Variants in SETD3 observed in about 807,000 individuals in gnomAD.
SETD3 encodes actin-histidine N-methyltransferase.
SETD3 carries 19 observed loss-of-function variants against 63.0 expected under a neutral mutation model. The ratio of observed to expected loss-of-function variants is 0.30; its 90% CI spans 0.21 to 0.44. The LOEUF (loss-of-function observed/expected upper bound fraction) is 0.44, where lower values mean the gene tolerates loss of function less well. Among genes scored for constraint, SETD3 ranks in the 20% least tolerant of loss-of-function variants. The probability of loss-of-function intolerance (pLI) is 1.00; values close to 1 mark genes in which losing one functional copy is unlikely to be tolerated. For synonymous variants in SETD3, 286 were observed against 264.1 expected (o/e 1.08, Z -0.80); for missense variants, 587 against 728.5 (o/e 0.81, Z 2.24).
chr14:99,459,639 C>T (rs983819756), intron 4 of SETD3, among the ~76,000 whole-genome samples: 1 of 152,216 alleles, frequency 6.6e-6, no homozygotes, highest in Non-Finnish European at 1.5e-5. Flanking sequence ...ACATTCCTTC[C>T]TCTACATACT....
At chr14:99,401,476 T>C (rs1281591661) in intron 11 of SETD3, among the ~76,000 whole-genome samples, 1 of 152,130 alleles carries the variant, frequency 6.6e-6, no homozygotes, top group Non-Finnish European at 1.5e-5. Context: ...AAACCAAACT[T>C]TTATTAGTAT....
chr14:99,407,925 G>A (rs1396250806), intron 8 of SETD3, among the ~76,000 whole-genome samples: 4 of 152,128 alleles, frequency 2.6e-5, no homozygotes, highest in Non-Finnish European at 4.4e-5. Context: ...AACCCGCAGG[G>A]GAAAGGAAAG....
chr14:99,404,354 C>T, intron 10 of SETD3, 44 bp from the exon 11 acceptor site: 1 of 1,551,104 alleles, frequency 6.4e-7, no homozygotes, highest in Non-Finnish European at 8.9e-7. Flanking sequence ...GCTGCGGTTA[C>T]CCACTTGCTC....
At chr14:99,458,046 C>A (rs949478694) in intron 6 of SETD3, among the ~76,000 whole-genome samples, 4 of 152,162 alleles carry the variant, frequency 2.6e-5, no homozygotes, top group African/African-American at 9.7e-5. Flanking sequence ...AACTCAGGAA[C>A]AACTGCTGCT....
intron 6 of SETD3, among the ~76,000 whole-genome samples, chr14:99,426,467 TG>T (rs2139677956): frequency 6.6e-6 from 1 of 152,296 alleles, no homozygotes; most frequent in East Asian, 1.9e-4. Flanking sequence ...GAACAGGTGC[TG>T]GGGTGTGCAG....
rs755211423 is a variant in SETD3 at position 99,398,814 on chromosome 14, G to A, written c.1650C>T (p.Asn550=). 30 of 1,614,084 alleles carry A rather than the reference G, an allele frequency of 1.9e-5. No homozygotes were observed. Among genetic ancestry groups the A allele is most frequent in the East Asian group, 4.5e-5 (2 of 44,892 alleles). The part of the protein sequence containing the change: ...EAISKAKATE[N]GLVNGENSIP... ...TAGAGTTTTCACCGTTTACAAGCCC[G>A]TTTTCTGTGGCCTTTGCTTTGCTGA... The change falls in exon 13 of 13, where the codon AAC becomes AAT. Residue 550 remains asparagine, a synonymous_variant. Coordinates refer to ENST00000331768, the MANE Select transcript of SETD3 (RefSeq NM_032233.3).
intron 6 of SETD3, among the ~76,000 whole-genome samples, chr14:99,453,441 G>A (rs1017376559): frequency 1.3e-5 from 2 of 152,150 alleles, no homozygotes; most frequent in African/African-American, 2.4e-5. Flanking sequence ...TTAGCCCACA[G>A]CCTATTCCTT....
At chr14:99,410,728 T>G (rs1235053087) in intron 8 of SETD3, among the ~76,000 whole-genome samples, 1 of 152,268 alleles carries the variant, frequency 6.6e-6, no homozygotes, top group Non-Finnish European at 1.5e-5. Flanking sequence ...ATCTCTAGCC[T>G]AGGTGTTCAT....
chr14:99,467,288 G>T (rs529406623), intron 1 of SETD3, among the ~76,000 whole-genome samples: 1 of 152,156 alleles, frequency 6.6e-6, no homozygotes, highest in Admixed American at 6.5e-5. Context: ...GCAATACAAG[G>T]AATTTTTTTT....
intron 12 of SETD3, 34 bp from the exon 13 acceptor site, chr14:99,399,159 T>G: frequency 3.1e-6 from 5 of 1,590,828 alleles, no homozygotes; most frequent in Non-Finnish European, 4.3e-6. Flanking sequence ...TTACAAGAAG[T>G]CTAAACCAGC....
At chr14:99,409,648 G>A (rs2139632259) in intron 8 of SETD3, among the ~76,000 whole-genome samples, 1 of 151,288 alleles carries the variant, frequency 6.6e-6, no homozygotes, top group Non-Finnish European at 1.5e-5. Context: ...GAAACAGAGT[G>A]AGGACCATTT....
At chr14:99,483,162 C>A (rs1896397317), upstream of SETD3, among the ~76,000 whole-genome samples, 1 of 152,096 alleles carries the variant, frequency 6.6e-6, no homozygotes, top group South Asian at 2.1e-4. Flanking sequence ...TATTAATAAT[C>A]TGTTTTAGAA....
At chr14:99,459,012 C>A in intron 5 of SETD3, 101 bp downstream of exon 5, 1 of 760,520 alleles carries the variant, frequency 1.3e-6, no homozygotes, top group Admixed American at 2.7e-5. Flanking sequence ...AATATTTCGC[C>A]AGTCGAGAAA....
intron 6 of SETD3, among the ~76,000 whole-genome samples, chr14:99,419,786 C>CA (rs1387120602): frequency 8.3e-4 from 108 of 130,412 alleles, no homozygotes; most frequent in East Asian, 2.9e-3. Context: ...AAAAAAAAAA[C>CA]AAAAAAAAAA....
intron 6 of SETD3, among the ~76,000 whole-genome samples, chr14:99,416,849 G>C (rs1490533588): frequency 6.6e-6 from 1 of 152,022 alleles, no homozygotes; most frequent in African/African-American, 2.4e-5. Flanking sequence ...CTCATAATCA[G>C]ACCTGAAGCA....
At chr14:99,439,686 TTA>T (rs1445465677) in intron 6 of SETD3, among the ~76,000 whole-genome samples, 3 of 147,672 alleles carry the variant, frequency 2.0e-5, no homozygotes, top group Non-Finnish European at 3.0e-5. Context: ...ATTTATATAT[TTA>T]TATGTATTTA....
intron 6 of SETD3, among the ~76,000 whole-genome samples, chr14:99,432,885 C>G (rs1893260298): frequency 6.6e-6 from 1 of 152,146 alleles, no homozygotes; most frequent in African/African-American, 2.4e-5. Flanking sequence ...ATCAGTCATT[C>G]TTGGTGGAGA....
At chr14:99,461,475 A>T (rs573050136) in intron 3 of SETD3, 135 bp from the exon 4 acceptor site, 1 of 838,118 alleles carries the variant, frequency 1.2e-6, no homozygotes, top group South Asian at 1.7e-5. Flanking sequence ...AATCAAAACT[A>T]ATCACCAGAT....
upstream of SETD3, among the ~76,000 whole-genome samples, chr14:99,483,252 G>A (rs764004728): frequency 6.6e-6 from 1 of 152,128 alleles, no homozygotes; most frequent in Non-Finnish European, 1.5e-5. Flanking sequence ...GCTTCAGTGA[G>A]AAAAGGCCAG....
Sources: gnomAD v4.1 joint callset for allele counts (sites outside exome capture counted in the v4.1 genomes callset) on GRCh38, gnomAD v4.1.1 for gene constraint, MANE v1.5 for transcripts, NCBI Gene and HGNC (gene_info 2026-07-23, HGNC 2026-07-21) for gene names.